Variants in MEI4 observed in about 807,000 individuals in gnomAD.
MEI4 encodes meiosis-specific protein MEI4.
A neutral mutation model predicts 31.4 loss-of-function variants in MEI4; 27 were observed. The ratio of observed to expected loss-of-function variants is 0.86; its 90% CI spans 0.63 to 1.19. The LOEUF (loss-of-function observed/expected upper bound fraction) is 1.19. Ranked by LOEUF, MEI4 falls within the 50% of genes most tolerant of loss-of-function variation. The pLI, the probability that MEI4 is intolerant of heterozygous loss-of-function variation, is 0.00. For synonymous variants in MEI4, 122 were observed against 145.4 expected, an observed-to-expected ratio of 0.84 and a Z score of 1.16; for missense variants, 329 against 398.9, an observed-to-expected ratio of 0.82 and a Z score of 1.49.
At chr6:77,830,010 C>G (rs896594420) in intron 4 of MEI4, among the ~76,000 whole-genome samples, 7 of 151,848 alleles carry the variant, frequency 4.6e-5, no homozygotes, top group African/African-American at 1.5e-4. Flanking sequence ...TTTAAAAACT[C>G]ATTTTCACTG....
At chr6:77,751,456 G>A (rs1767772715) in intron 2 of MEI4, among the ~76,000 whole-genome samples, 1 of 152,076 alleles carries the variant, frequency 6.6e-6, no homozygotes, top group African/African-American at 2.4e-5. Context: ...GTATCCCACA[G>A]AAATACAAAC....
intron 2 of MEI4, among the ~76,000 whole-genome samples, chr6:77,695,255 C>T (rs1202597529): frequency 6.6e-6 from 1 of 151,994 alleles, no homozygotes; most frequent in Non-Finnish European, 1.5e-5. Flanking sequence ...TGTGCAGAAG[C>T]TCTTTAGTTG....
At chr6:77,770,433 C>A (rs1245431548) in intron 3 of MEI4, among the ~76,000 whole-genome samples, 1 of 152,048 alleles carries the variant, frequency 6.6e-6, no homozygotes, top group Non-Finnish European at 1.5e-5. Context: ...AATTTCTATA[C>A]TGCCCAAAGC....
chr6:77,919,918 C>A (rs541158735), intron 4 of MEI4, among the ~76,000 whole-genome samples: 13 of 148,058 alleles, frequency 8.8e-5, no homozygotes, highest in African/African-American at 2.2e-4. Context: ...ATAAATTCCT[C>A]GACACATACA....
intron 4 of MEI4, among the ~76,000 whole-genome samples, chr6:77,863,809 A>T (rs1770939362): frequency 6.6e-6 from 1 of 152,184 alleles, no homozygotes. Context: ...TGAAGGCAAA[A>T]ATGTTAAGGG....
chr6:77,760,472 C>T (rs1304782359), intron 2 of MEI4, among the ~76,000 whole-genome samples: 1 of 152,068 alleles, frequency 6.6e-6, no homozygotes, highest in African/African-American at 2.4e-5. Context: ...GATCTGGCCT[C>T]TATATTATTT....
chr6:77,807,782 T>C (rs1769475897), intron 3 of MEI4, among the ~76,000 whole-genome samples: 1 of 152,114 alleles, frequency 6.6e-6, no homozygotes, highest in Non-Finnish European at 1.5e-5. Context: ...TCTTGAGAAG[T>C]ATTATGGTCA....
intron 2 of MEI4, among the ~76,000 whole-genome samples, chr6:77,746,710 A>T (rs369802644): frequency 6.6e-6 from 1 of 151,178 alleles, no homozygotes; most frequent in Non-Finnish European, 1.5e-5. Flanking sequence ...TCTCTGAAAA[A>T]CCCTAATAAA....
Position 77,756,314 on chromosome 6 carries a change from G to GT in MEI4, c.233-4810dup, listed in dbSNP as rs897001155. Reference sequence around the variant, plus strand: ...TAAGAAAACTTTTTTTCCTATTTATGTTTTTTCTCTTCTAAGGACACATAC... The same window carrying GT: ...TAAGAAAACTTTTTTTCCTATTTATGTTTTTTTCTCTTCTAAGGACACATAC... On this transcript the variant is annotated intron_variant, in intron 2 of 4. Transcript: ENST00000684080. Among the ~76,000 whole-genome samples the GT allele has an allele frequency of 1.8e-4, 27 of 151,988 alleles. 1 individual carries two copies. Among genetic ancestry groups the GT allele is most frequent in the Admixed American group, 1.5e-3 (23 of 15,240 alleles).
At chr6:77,805,045 A>G (rs1194028194) in intron 3 of MEI4, among the ~76,000 whole-genome samples, 1 of 152,174 alleles carries the variant, frequency 6.6e-6, no homozygotes, top group Non-Finnish European at 1.5e-5. Flanking sequence ...GTTGTTTGGA[A>G]CTTTTATTAT....
intron 3 of MEI4, among the ~76,000 whole-genome samples, chr6:77,824,438 C>T (rs1482791842): frequency 1.3e-5 from 2 of 152,040 alleles, no homozygotes; most frequent in Non-Finnish European, 2.9e-5. Context: ...AAGTATGGGT[C>T]CCTAGTATTT....
intron 4 of MEI4, among the ~76,000 whole-genome samples, 159 bp from the exon 5 acceptor site, chr6:77,922,930 T>C (rs1472471608): frequency 2.0e-5 from 3 of 151,678 alleles, no homozygotes; most frequent in Admixed American, 1.3e-4. Flanking sequence ...ATAAAGGAAA[T>C]GTTTTTTATT....
intron 4 of MEI4, among the ~76,000 whole-genome samples, chr6:77,854,255 C>G (rs1163936080): frequency 6.6e-6 from 1 of 151,724 alleles, no homozygotes; most frequent in Non-Finnish European, 1.5e-5. Context: ...CAATTTACCC[C>G]TCAATATTTG....
chr6:77,757,899 T>C (rs758063319), intron 2 of MEI4, among the ~76,000 whole-genome samples: 44 of 152,310 alleles, frequency 2.9e-4, no homozygotes, highest in Admixed American at 1.0e-3. Flanking sequence ...GGCTCATGCC[T>C]GTAATCCCAG....
intron 4 of MEI4, among the ~76,000 whole-genome samples, chr6:77,842,311 C>T (rs1288955579): frequency 6.6e-6 from 1 of 151,912 alleles, no homozygotes; most frequent in South Asian, 2.1e-4. Context: ...TTCTAAATAA[C>T]CTATGGATCA....
At chr6:77,910,864 T>C (rs2127738757) in intron 4 of MEI4, among the ~76,000 whole-genome samples, 1 of 152,122 alleles carries the variant, frequency 6.6e-6, no homozygotes, top group South Asian at 2.1e-4. Flanking sequence ...GCTACACTAA[T>C]TTGCATTCCT....
chr6:77,822,240 A>T (rs1398793043), intron 3 of MEI4, among the ~76,000 whole-genome samples: 2 of 152,176 alleles, frequency 1.3e-5, no homozygotes, highest in African/African-American at 4.8e-5. Context: ...GGCTTCATCT[A>T]ACAGGACAAC....
chr6:77,714,685 C>A (rs1043397433), intron 2 of MEI4, among the ~76,000 whole-genome samples: 4 of 152,158 alleles, frequency 2.6e-5, no homozygotes, highest in African/African-American at 4.8e-5. Context: ...TTCTTTTCAG[C>A]CCCATATCCC....
chr6:77,862,590 G>C (rs1003595882), intron 4 of MEI4, among the ~76,000 whole-genome samples: 1 of 152,192 alleles, frequency 6.6e-6, no homozygotes, highest in Admixed American at 6.5e-5. Context: ...GCTCTAACTG[G>C]GGGGAGCCCA....
Sources: allele counts gnomAD v4.1 joint callset (sites outside exome capture counted in the v4.1 genomes callset), GRCh38; gene constraint gnomAD v4.1.1; transcripts MANE v1.5; gene names NCBI Gene and HGNC (gene_info 2026-07-23, HGNC 2026-07-21).